The following RNF40 variants were observed in gnomAD, a reference collection of about 807,000 sequenced individuals.
RNF40 encodes the protein E3 ubiquitin-protein ligase BRE1B.
RNF40 carries 39 observed loss-of-function variants against 123.3 expected under a neutral mutation model. The observed-to-expected ratio is 0.32, with a 90% CI of 0.24 to 0.41. The LOEUF (loss-of-function observed/expected upper bound fraction) is 0.41, where lower values mean the gene tolerates loss of function less well. RNF40 is among the 10% of genes least tolerant of loss of function. RNF40 has a pLI of 1.00. For synonymous variants in RNF40, 538 were observed against 526.0 expected (o/e 1.02, Z -0.31); for missense variants, 1,003 against 1,319.9 (o/e 0.76, Z 3.72).
rs528046164 is a variant in RNF40, at chr16:30,775,428, C to T, written c.*1314C>T. 2.1e-5 allele frequency: 4 copies of T among 191,436 alleles called. No individual in the cohort carries two copies. Among genetic ancestry groups the T allele is most frequent in the Admixed American group, 5.5e-5 (1 of 18,028 alleles). 11.9% of individuals were successfully genotyped at this position (191,436 alleles called of 1,614,324 possible). A position where few individuals can be genotyped will look rare whatever the true frequency, so the allele number is the denominator to read the frequency against. ...GTCATGGCCGGGGGATGCCGGGACT[C>T]CTCGGGCTGCATCCTGGGAAGTGTA... On this transcript the variant is annotated 3_prime_UTR_variant, in exon 20 of 20. Coordinates refer to ENST00000324685, the MANE Select transcript of RNF40 (RefSeq NM_014771.4).
At position 30,772,753 on chromosome 16, in the gene RNF40, C is replaced by T. The variant is rs555345338; in HGVS notation, c.2829+563C>T. Among the ~76,000 whole-genome samples, 99 of 152,256 alleles carry T rather than the reference C, an allele frequency of 6.5e-4. 1 individual carries two copies. The highest frequency in any genetic ancestry group is 1.9e-3 in the African/African-American group (79 of 41,552). On this transcript the variant is annotated intron_variant, in intron 19 of 19. Transcript: ENST00000324685. ...GTGTCACCTCCTGAAGAGTGCGGTA[C>T]GCCAGGTTGAGACCTCAAAGGGTTT...
chr16:30,762,529 C>A lies in RNF40; in HGVS notation c.-17C>A. ...ACGCCCCTCAGGGGACCCTGCATCG[C>A]TCCAGCCGCCGCGGCCATGTCTGGG... On this transcript the variant is annotated 5_prime_UTR_variant, in exon 2 of 20. Coordinates refer to ENST00000324685, the MANE Select transcript of RNF40 (RefSeq NM_014771.4). 1 of 1,579,242 alleles carries A rather than the reference C, an allele frequency of 6.3e-7. No individual in the cohort carries two copies.
chr16:30,764,883 AGTTGTTTGCCCC>A, intron 5 of RNF40, 43 bp from the exon 6 acceptor site: 1 of 1,576,624 alleles, frequency 6.3e-7, no homozygotes, highest in Non-Finnish European at 8.6e-7. Flanking sequence ...AGAATGAGTT[AGTTGTTTGCCCC>A]ATTGCCCTGA....
chr16:30,773,835 C>T, intron 19 of RNF40, 103 bp from the exon 20 acceptor site: 5 of 1,144,476 alleles, frequency 4.4e-6, no homozygotes, highest in Non-Finnish European at 6.3e-6. Context: ...GGATGAGGTG[C>T]AGTCTCCAGT....
intron 17 of RNF40, 42 bp from the exon 18 acceptor site, chr16:30,771,791 C>T: frequency 6.6e-7 from 1 of 1,516,128 alleles, no homozygotes; most frequent in South Asian, 1.3e-5. Flanking sequence ...CCTGAGTCAC[C>T]AGGCTCAGAC....
At chr16:30,769,092 G>A in intron 15 of RNF40, 94 bp from the exon 16 acceptor site, 1 of 1,595,162 alleles carries the variant, frequency 6.3e-7, no homozygotes, top group Non-Finnish European at 8.6e-7. Flanking sequence ...GGTCCCCTCT[G>A]TAGTTCTTTG....
Position 30,763,171 on chromosome 16 carries a change from G to T in RNF40, c.186G>T (p.Arg62=), listed in dbSNP as rs1212285358. 1.9e-6 allele frequency: 3 copies of T among 1,613,860 alleles called. No individual in the cohort carries two copies. The highest frequency in any genetic ancestry group is 1.3e-5 in the African/African-American group (1 of 74,924). The change falls in exon 3 of 20, where the codon CGG becomes CGT. Residue 62 remains arginine, a synonymous_variant. Transcript: ENST00000324685. ...TCAAGAACAAGAAACTGGCAGAGCG[G>T]CTGGAACAACGGCAGGCTTGTGAAG... The part of the protein sequence containing the change: ...LQFKNKKLAE[R]LEQRQACEDE...
Position 30,763,529 on chromosome 16 carries a change from C to T in RNF40, c.412C>T (p.Leu138Phe), listed in dbSNP as rs947696628. Residue 138 changes from leucine (L) to phenylalanine (F), a missense_variant, in exon 4 of 20, where the codon CTC becomes TTC. Transcript: ENST00000324685. Reference protein sequence around the residue: ...QEGPTCDGTPLPEPGTSELRD... With the variant: ...QEGPTCDGTPFPEPGTSELRD... The stretch of plus-strand genomic sequence containing the variant: ...GGGGCCAACATGTGATGGGACTCCT[C>T]TCCCAGAGCCGGGGACATCAGAGCT... 3 of 1,614,024 alleles carry T rather than the reference C, an allele frequency of 1.9e-6. No homozygotes were observed. In the African/African-American group the frequency reaches 4.0e-5, roughly 22 times the overall value.
chr16:30,767,786 C>G, intron 11 of RNF40, 108 bp from the exon 12 acceptor site: 1 of 1,449,356 alleles, frequency 6.9e-7, no homozygotes, highest in Non-Finnish European at 9.6e-7. Flanking sequence ...CCGCAATGTT[C>G]CCCTCCTGCA....
At chr16:30,762,052 G>A, upstream of RNF40, 2 of 460,436 alleles carry the variant, frequency 4.3e-6, no homozygotes, top group Non-Finnish European at 7.7e-6. Context: ...TCTCTTCCAG[G>A]TTGCTAATAC....
At position 30,769,372 on chromosome 16, in the gene RNF40, G is replaced by C; in HGVS notation, c.2434G>C (p.Glu812Gln). The change falls in exon 16 of 20, where the codon GAG becomes CAG. Residue 812 changes from glutamate to glutamine, a missense_variant. Transcript: ENST00000324685. ...LLREEKDELG[E>Q]QVLGLKSQVD... ...GCGGGAGGAGAAGGATGAGTTGGGC[G>C]AGCAGGTCCTTGGCCTCAAGTCCCA... 1 of 1,614,200 alleles carries C rather than the reference G, an allele frequency of 6.2e-7. No homozygotes were observed. Among genetic ancestry groups the C allele is most frequent in the Middle Eastern group, 1.6e-4 (1 of 6,062 alleles).
chr16:30,765,331 G>T lies in RNF40; in HGVS notation c.918+4G>T. 1.2e-6 allele frequency: 2 copies of T among 1,614,190 alleles called. No individual in the cohort carries two copies. Among genetic ancestry groups the T allele is most frequent in the Non-Finnish European group, 1.7e-6 (2 of 1,180,022 alleles). ...CCTGGCAGAGGCCTTAGAGCAGGTG[G>T]GGCAGGGGTGCTGGGGCAGGTGAGG... On this transcript the variant is annotated splice_donor_region_variant and intron_variant, in intron 7 of 19. Transcript: ENST00000324685.
intron 2 of RNF40, 38 bp from the exon 3 acceptor site, chr16:30,763,080 C>T (rs2053918557): frequency 6.2e-7 from 1 of 1,610,874 alleles, no homozygotes; most frequent in African/African-American, 1.3e-5. Context: ...GTGGGCCCTG[C>T]TTGACGCTCT....
In RNF40 at chr16:30,776,219, C is replaced by T. The variant is rs1242844347; in HGVS notation, c.*2105C>T. ...AATTCCGCATCGTCTCTCTAGATAT[C>T]TGCGCTAAAGGCCACCCGGTCTCCT... On this transcript the variant is annotated 3_prime_UTR_variant, in exon 20 of 20. Transcript: ENST00000324685. 6.6e-6 allele frequency: 1 copy of T among 152,084 alleles called. No individual in the cohort carries two copies. The highest frequency in any genetic ancestry group is 1.5e-5 in the Non-Finnish European group (1 of 68,016). 9.4% of individuals were successfully genotyped at this position (152,084 alleles called of 1,614,324 possible).
Position 30,766,927 on chromosome 16 carries a change from C to T in RNF40, c.1429+51C>T. On this transcript the variant is annotated intron_variant, in intron 11 of 19. Transcript: ENST00000324685. This position sits in a 1 kb window ranked among gnomAD's most constrained non-coding sequence, Gnocchi z 5.4. ...TGGGGCCTTATCTGGGAGTGCTGGG[C>T]CCTGGTGTGGGGCTGCTGCTTATCC... 2.5e-6 allele frequency: 4 copies of T among 1,595,458 alleles called. No individual in the cohort carries two copies. The highest frequency in any genetic ancestry group is 2.6e-6 in the Non-Finnish European group (3 of 1,170,270).
chr16:30,766,670 T>C lies in RNF40; in HGVS notation c.1294-71T>C. The C allele has an allele frequency of 6.3e-7, 1 of 1,598,772 alleles. No individual in the cohort carries two copies. The highest frequency in any genetic ancestry group is 2.2e-5 in the East Asian group (1 of 44,624). On this transcript the variant is annotated intron_variant, in intron 10 of 19. Transcript: ENST00000324685. The surrounding 1 kb of genome is among the most constrained non-coding windows in gnomAD (Gnocchi z 5.4). ...CAGCCAGGGGTCCCTGGGGAATAGA[T>C]TCTTCCTAAGATACTGAGTCCTGAG...
At chr16:30,765,396 TC>T (rs1166874656) in intron 7 of RNF40, 28 bp from the exon 8 acceptor site, 1 of 1,613,968 alleles carries the variant, frequency 6.2e-7, no homozygotes, top group East Asian at 2.2e-5. Context: ...CCCCTCTACA[TC>T]CATTGCCTGT....
At position 30,766,316 on chromosome 16, in the gene RNF40, C is replaced by T; in HGVS notation, c.1113+34C>T. ...CTGTAGGGGCTGAGAGGTCCTGGGCCTGTAAGGGAGGGACTGAGCCCTGAA... is the reference window on the plus strand; with the variant it reads ...CTGTAGGGGCTGAGAGGTCCTGGGCTTGTAAGGGAGGGACTGAGCCCTGAA... On this transcript the variant is annotated intron_variant, in intron 9 of 19. Coordinates refer to ENST00000324685, the MANE Select transcript of RNF40 (RefSeq NM_014771.4). The surrounding 1 kb of genome is among the most constrained non-coding windows in gnomAD (Gnocchi z 5.4). The T allele has an allele frequency of 3.1e-6, 5 of 1,613,888 alleles. No homozygotes were observed. The highest frequency in any genetic ancestry group is 4.2e-6 in the Non-Finnish European group (5 of 1,179,844).
intron 4 of RNF40, 103 bp downstream of exon 4, chr16:30,763,662 T>A (rs1165399674): frequency 1.2e-5 from 14 of 1,201,466 alleles, no homozygotes; most frequent in East Asian, 5.1e-5. Context: ...TCTTACTACT[T>A]CTCACGAAAT....
Sources: gnomAD v4.1 joint callset for allele counts (sites outside exome capture counted in the v4.1 genomes callset) on GRCh38, gnomAD v4.1.1 for gene constraint, Gnocchi (gnomAD v3.1) non-coding constraint, MANE v1.5 for transcripts, NCBI Gene and HGNC (gene_info 2026-07-23, HGNC 2026-07-21) for gene names.